Variants in C12orf75 observed in about 807,000 individuals in gnomAD.
C12orf75 encodes the protein chromosome 12 open reading frame 75.
Under a neutral mutation model 11.4 loss-of-function variants are expected in C12orf75, and 4 were observed. The ratio of observed to expected loss-of-function variants is 0.35; its 90% CI spans 0.17 to 0.80. The LOEUF (loss-of-function observed/expected upper bound fraction) is 0.80. Ranked by LOEUF, C12orf75 falls within the 30% of genes least tolerant of loss-of-function variation. C12orf75 has a pLI of 0.52. For missense variants in C12orf75, 89 were observed against 80.4 expected (o/e 1.11, Z -0.41); for synonymous variants, 30 against 30.0 (o/e 1.00, Z 0.00).
intron 2 of C12orf75, among the ~76,000 whole-genome samples, chr12:105,357,474 T>A (rs1463130804): frequency 2.6e-5 from 4 of 152,124 alleles, no homozygotes; most frequent in Non-Finnish European, 5.9e-5. Flanking sequence ...GTTTAAACCA[T>A]CAACTGAGGA....
chr12:105,354,279 G>T (rs993914137), intron 2 of C12orf75, among the ~76,000 whole-genome samples: 3 of 152,246 alleles, frequency 2.0e-5, no homozygotes, highest in Middle Eastern at 3.4e-3. Flanking sequence ...CTGTGAAATT[G>T]GGATAATATA....
intron 1 of C12orf75, 74 bp downstream of exon 1, chr12:105,331,011 TGGGTGGG>T (rs1261215522): frequency 1.1e-6 from 1 of 938,182 alleles, no homozygotes; most frequent in East Asian, 3.3e-5. Flanking sequence ...GCAGGGATCT[TGGGTGGG>T]GGGCGCGCAG....
chr12:105,365,910 T>G (rs1463417875), intron 3 of C12orf75, 68 bp downstream of exon 3: 32 of 936,708 alleles, frequency 3.4e-5, no homozygotes, highest in Non-Finnish European at 5.1e-5. Flanking sequence ...TTTAACACAC[T>G]GTAGCATATT....
At chr12:105,348,669 G>C in intron 2 of C12orf75, 43 bp downstream of exon 2, 2 of 1,408,642 alleles carry the variant, frequency 1.4e-6, no homozygotes, top group Non-Finnish European at 1.9e-6. Context: ...GTCTTTCTGA[G>C]GAAGTTGCTG....
chr12:105,368,799 T>A (rs1871554502), intron 5 of C12orf75, among the ~76,000 whole-genome samples: 1 of 152,176 alleles, frequency 6.6e-6, no homozygotes, highest in Non-Finnish European at 1.5e-5. Context: ...GGTAGCTACT[T>A]CTTTGAAGAT....
Position 105,367,468 on chromosome 12 carries a change from T to A in C12orf75, c.188-4T>A. 2.4e-6 allele frequency: 2 copies of A among 841,406 alleles called. No individual in the cohort carries two copies. Among genetic ancestry groups the A allele is most frequent in the Non-Finnish European group, 3.6e-6 (2 of 551,910 alleles). The allele number at this position is 841,406 out of a possible 1,614,324, so 52.1% of individuals were successfully genotyped here. ...ATTTAACTTTTCTTAATTTTCTCTTTAAGATTAGAAGAAAATAACATCATG... is the reference window on the plus strand; with the variant it reads ...ATTTAACTTTTCTTAATTTTCTCTTAAAGATTAGAAGAAAATAACATCATG... On this transcript the variant is annotated splice_polypyrimidine_tract_variant and splice_region_variant and intron_variant, in intron 4 of 5. Coordinates refer to ENST00000443585, the MANE Select transcript of C12orf75 (RefSeq NM_001145199.2).
chr12:105,362,242 C>T (rs1437540500), intron 2 of C12orf75, among the ~76,000 whole-genome samples: 3 of 151,500 alleles, frequency 2.0e-5, no homozygotes, highest in Non-Finnish European at 4.4e-5. Flanking sequence ...AAAAATTAGC[C>T]GGGCGTGTGG....
At chr12:105,338,171 CATTT>C (rs145056265) in intron 1 of C12orf75, among the ~76,000 whole-genome samples, 1 of 151,962 alleles carries the variant, frequency 6.6e-6, no homozygotes, top group African/African-American at 2.4e-5. Flanking sequence ...ATTTATCTTT[CATTT>C]ATTTATTTAT....
intron 2 of C12orf75, among the ~76,000 whole-genome samples, chr12:105,360,169 C>G (rs888012856): frequency 3.9e-5 from 6 of 152,228 alleles, no homozygotes; most frequent in Non-Finnish European, 8.8e-5. Context: ...TCACTGGCTG[C>G]TATTCTCACA....
At chr12:105,367,420 A>T (rs1275020547) in intron 4 of C12orf75, 52 bp from the exon 5 acceptor site, 4 of 654,914 alleles carry the variant, frequency 6.1e-6, no homozygotes, top group Non-Finnish European at 1.0e-5. Context: ...AGAAAATTAG[A>T]ATATGCTATT....
chr12:105,359,426 G>C (rs747250548), intron 2 of C12orf75, among the ~76,000 whole-genome samples: 8 of 152,008 alleles, frequency 5.3e-5, no homozygotes, highest in Non-Finnish European at 1.2e-4. Flanking sequence ...GGGCGTCTGG[G>C]CATTGCTTCC....
At chr12:105,357,778 C>CTGTG (rs67643973) in intron 2 of C12orf75, among the ~76,000 whole-genome samples, 2,240 of 137,270 alleles carry the variant, frequency 0.016, 26 homozygotes, top group African/African-American at 0.025. Context: ...AATGTATTTT[C>CTGTG]TGTGTGTGTG....
intron 2 of C12orf75, 62 bp downstream of exon 2, chr12:105,348,688 G>C: frequency 2.6e-6 from 3 of 1,136,672 alleles, no homozygotes; most frequent in Non-Finnish European, 3.8e-6. Context: ...TGTTTTTCAT[G>C]ATTATGACCT....
At chr12:105,345,396 A>T (rs767643502) in intron 1 of C12orf75, among the ~76,000 whole-genome samples, 6 of 151,980 alleles carry the variant, frequency 3.9e-5, no homozygotes, top group Non-Finnish European at 7.4e-5. Flanking sequence ...AGGCTGAGGC[A>T]AGAAAATAGC....
At chr12:105,343,930 A>C (rs1391175918) in intron 1 of C12orf75, among the ~76,000 whole-genome samples, 1 of 152,046 alleles carries the variant, frequency 6.6e-6, no homozygotes, top group South Asian at 2.1e-4. Context: ...CTACCATTGC[A>C]GTTATTCAGT....
intron 1 of C12orf75, among the ~76,000 whole-genome samples, chr12:105,343,250 T>C (rs982814503): frequency 6.6e-6 from 1 of 152,194 alleles, no homozygotes; most frequent in Non-Finnish European, 1.5e-5. Context: ...ACAAGAAACA[T>C]TGTTACCTTT....
At chr12:105,360,128 C>T (rs1346846202) in intron 2 of C12orf75, among the ~76,000 whole-genome samples, 2 of 152,226 alleles carry the variant, frequency 1.3e-5, no homozygotes, top group Non-Finnish European at 2.9e-5. Flanking sequence ...TAGGGCCTTG[C>T]TGCCTCCTTC....
chr12:105,332,622 T>G (rs1355809556), intron 1 of C12orf75, among the ~76,000 whole-genome samples: 1 of 151,720 alleles, frequency 6.6e-6, no homozygotes, highest in African/African-American at 2.4e-5. Flanking sequence ...TCCCAGCTAT[T>G]TGGGAGGCTG....
chr12:105,362,156 G>A lies in C12orf75; in HGVS notation c.72-3651G>A, dbSNP rs1302803633. On this transcript the variant is annotated intron_variant, in intron 2 of 5. Coordinates refer to ENST00000443585, the MANE Select transcript of C12orf75 (RefSeq NM_001145199.2). ...AATCCCAGCACTTTGGGAGGCCGAGGCGGGCGGATCACGAGGTCAGGAGAT... is the reference window on the plus strand; with the variant it reads ...AATCCCAGCACTTTGGGAGGCCGAGACGGGCGGATCACGAGGTCAGGAGAT... 2.6e-5 allele frequency among the ~76,000 whole-genome samples: 4 copies of A among 152,046 alleles called. No homozygotes were observed. In the East Asian group the frequency reaches 7.7e-4, roughly 29 times the overall value.
Sources: gnomAD v4.1 joint callset for allele counts (sites outside exome capture counted in the v4.1 genomes callset) on GRCh38, gnomAD v4.1.1 for gene constraint, MANE v1.5 for transcripts, NCBI Gene and HGNC (gene_info 2026-07-23, HGNC 2026-07-21) for gene names.